Variants in CACNA1I observed in about 807,000 individuals in gnomAD.
The protein encoded by CACNA1I is voltage-dependent T-type calcium channel subunit alpha-1I.
Under a neutral mutation model 201.6 loss-of-function variants are expected in CACNA1I, and 74 were observed. The observed-to-expected ratio is 0.37, with a 90% confidence interval of 0.30 to 0.45. The LOEUF is 0.45. Among genes scored for constraint, CACNA1I ranks in the 20% least tolerant of loss-of-function variants. The pLI, the probability that CACNA1I is intolerant of heterozygous loss-of-function variation, is 1.00. For missense variants in CACNA1I, 2,346 were observed against 3,138.1 expected, an observed-to-expected ratio of 0.75 and a Z score of 6.03; for synonymous variants, 1,431 against 1,345.2, an observed-to-expected ratio of 1.06 and a Z score of -1.40.
intron 1 of CACNA1I, among the ~76,000 whole-genome samples, chr22:39,593,440 A>G (rs1027841478): frequency 1.3e-5 from 2 of 152,218 alleles, no homozygotes; most frequent in African/African-American, 2.4e-5. Context: ...TGTGAGGGGC[A>G]AGAGGCACAT....
chr22:39,613,413 G>A (rs1933437664), intron 3 of CACNA1I, among the ~76,000 whole-genome samples: 1 of 152,218 alleles, frequency 6.6e-6, no homozygotes, highest in African/African-American at 2.4e-5. Context: ...GGGGTCTGGA[G>A]AGGGCCTCAT....
Position 39,629,711 on chromosome 22 carries a change from C to G in CACNA1I, c.581-4854C>G, listed in dbSNP as rs112453210. ...ACTCAGCGCTCCGGTTTCTGTCCCA[C>G]GTGAGACCCCCGGGAGGCAGCGACC... On this transcript the variant is annotated intron_variant, in intron 4 of 36. Transcript: ENST00000402142. This position sits in a 1 kb window ranked among gnomAD's most constrained non-coding sequence, Gnocchi z 4.8. 6.6e-6 allele frequency among the ~76,000 whole-genome samples: 1 copy of G among 152,128 alleles called. No individual in the cohort carries two copies. Among genetic ancestry groups the G allele is most frequent in the Non-Finnish European group, 1.5e-5 (1 of 68,020 alleles).
At position 39,658,269 on chromosome 22, in the gene CACNA1I, T is replaced by C; in HGVS notation, c.2110T>C (p.Tyr704His). The C allele has an allele frequency of 2.5e-6, 4 of 1,613,870 alleles. No homozygotes were observed. The highest frequency in any genetic ancestry group is 3.4e-6 in the Non-Finnish European group (4 of 1,179,866). Residue 704 changes from tyrosine (Y) to histidine (H), a missense_variant, in exon 11 of 37, where the codon TAC becomes CAC. This residue lies in a region of CACNA1I where 155 missense variants were observed against 300.8 expected (regional missense o/e 0.52). Coordinates refer to ENST00000402142, the MANE Select transcript of CACNA1I (RefSeq NM_021096.4). Reference protein sequence around the residue: ...FGLFDYLRNPYNIFDSIIVII... With the variant: ...FGLFDYLRNPHNIFDSIIVII... ...GCTCTTCGACTACCTGCGTAACCCC[T>C]ACAACATCTTCGACAGCATCATTGT...
chr22:39,680,864 C>A (rs550894838), intron 33 of CACNA1I, 66 bp from the exon 34 acceptor site: 2 of 1,524,424 alleles, frequency 1.3e-6, no homozygotes, highest in African/African-American at 1.4e-5. Context: ...TGTGGCTGCA[C>A]GCCCCAGGAC....
intron 1 of CACNA1I, among the ~76,000 whole-genome samples, chr22:39,581,418 G>A (rs1303899264): frequency 2.0e-5 from 3 of 152,176 alleles, no homozygotes; most frequent in East Asian, 3.8e-4. Flanking sequence ...GGGAGGCACC[G>A]GTGTGGATGA....
Position 39,686,503 on chromosome 22 carries a change from A to G in CACNA1I, c.*98A>G, listed in dbSNP as rs951039378. ...CAGCAATACTTCGTCCACACCTGGG[A>G]TCGCGCAGGGCCCGCAGGGCACAGG... On this transcript the variant is annotated 3_prime_UTR_variant, in exon 37 of 37. Transcript: ENST00000402142. The G allele has an allele frequency of 6.3e-6, 6 of 958,518 alleles. No individual in the cohort carries two copies. In the East Asian group the frequency reaches 1.1e-4, roughly 18 times the overall value. The allele number at this position is 958,518 out of a possible 1,614,324, so 59.4% of individuals were successfully genotyped here.
intron 4 of CACNA1I, among the ~76,000 whole-genome samples, chr22:39,626,150 G>T (rs895652966): frequency 4.6e-5 from 7 of 152,198 alleles, no homozygotes; most frequent in African/African-American, 1.7e-4. Flanking sequence ...GCCAGGTTCT[G>T]GTCCCAGGGC....
intron 10 of CACNA1I, among the ~76,000 whole-genome samples, chr22:39,655,008 A>C (rs1934768958): frequency 6.6e-6 from 1 of 152,094 alleles, no homozygotes; most frequent in Admixed American, 6.5e-5. Context: ...CACCTGGGCC[A>C]TGGAGGTGGG....
In CACNA1I at chr22:39,677,358, C is replaced by T. The variant is rs748958942; in HGVS notation, c.4872C>T (p.Leu1624=). The T allele has an allele frequency of 1.3e-5, 21 of 1,598,668 alleles. No homozygotes were observed. The Admixed American group carries it at 3.2e-4, about 25-fold the overall frequency. ...QALPQVGNLG[L]LFMLLFFIYA... ...TCCCGCAGGTGGGCAACCTGGGCCT[C>T]CTCTTCATGCTGCTCTTCTTCATCT... Residue 1624 remains leucine (L), a synonymous_variant, in exon 30 of 37, where the codon CTC becomes CTT. Transcript: ENST00000402142. This position sits in a 1 kb window ranked among gnomAD's most constrained non-coding sequence, Gnocchi z 4.8.
chr22:39,675,978 G>C (rs1039322511), intron 29 of CACNA1I, among the ~76,000 whole-genome samples: 3 of 152,218 alleles, frequency 2.0e-5, no homozygotes, highest in Non-Finnish European at 4.4e-5. Context: ...TGCCACAGGA[G>C]GGTTCTAGAC....
intron 10 of CACNA1I, among the ~76,000 whole-genome samples, chr22:39,653,523 T>C (rs1488865487): frequency 6.6e-6 from 1 of 151,666 alleles, no homozygotes; most frequent in Non-Finnish European, 1.5e-5. Flanking sequence ...CCAAGGGGGG[T>C]GCAGGGAGAG....
intron 34 of CACNA1I, among the ~76,000 whole-genome samples, chr22:39,682,032 A>C (rs1935720457): frequency 6.6e-6 from 1 of 151,960 alleles, no homozygotes; most frequent in African/African-American, 2.4e-5. Context: ...TCTGCCTTGG[A>C]GGGGGCATTA....
chr22:39,681,501 A>G (rs952827195), intron 34 of CACNA1I, among the ~76,000 whole-genome samples: 1 of 152,222 alleles, frequency 6.6e-6, no homozygotes, highest in Admixed American at 6.5e-5. Flanking sequence ...TCTGTGCAGC[A>G]GGGATGATTT....
chr22:39,622,809 G>C (rs1438153658), intron 4 of CACNA1I, among the ~76,000 whole-genome samples: 7 of 152,028 alleles, frequency 4.6e-5, no homozygotes, highest in African/African-American at 1.7e-4. Flanking sequence ...GCTCTCAGGG[G>C]CCAGCACAGA....
chr22:39,679,678 G>T, intron 32 of CACNA1I, 44 bp from the exon 33 acceptor site: 1 of 1,455,354 alleles, frequency 6.9e-7, no homozygotes, highest in Non-Finnish European at 9.4e-7. Flanking sequence ...CCCGGGACCC[G>T]GCTGATAATC....
intron 3 of CACNA1I, among the ~76,000 whole-genome samples, chr22:39,612,431 G>A (rs1389047060): frequency 6.6e-6 from 1 of 152,162 alleles, no homozygotes; most frequent in Non-Finnish European, 1.5e-5. Context: ...TAAACCGGGT[G>A]CCTCATAAAC....
chr22:39,580,848 G>A (rs1932524680), intron 1 of CACNA1I, among the ~76,000 whole-genome samples: 2 of 152,204 alleles, frequency 1.3e-5, no homozygotes, highest in Non-Finnish European at 2.9e-5. Flanking sequence ...AATGGATACC[G>A]ATGGATGGAT....
rs1212114469 is a variant in CACNA1I at position 39,670,789 on chromosome 22, T to G, written c.4388-14T>G. The G allele has an allele frequency of 1.2e-6, 2 of 1,613,670 alleles. No individual in the cohort carries two copies. On this transcript the variant is annotated splice_polypyrimidine_tract_variant and intron_variant, in intron 25 of 36. Coordinates refer to ENST00000402142, the MANE Select transcript of CACNA1I (RefSeq NM_021096.4). Reference sequence around the variant, plus strand: ...CCTCTGTGGTCTTTGCCACTCCCCCTGCACCACCTGCAGAGGCCCAGCGGC... The same window carrying G: ...CCTCTGTGGTCTTTGCCACTCCCCCGGCACCACCTGCAGAGGCCCAGCGGC...
chr22:39,622,816 C>T (rs1177138789), intron 4 of CACNA1I, among the ~76,000 whole-genome samples: 1 of 151,970 alleles, frequency 6.6e-6, no homozygotes, highest in Admixed American at 6.5e-5. Flanking sequence ...GGGGCCAGCA[C>T]AGAGGGCCAC....
Sources: allele counts gnomAD v4.1 joint callset (sites outside exome capture counted in the v4.1 genomes callset), GRCh38; gene constraint gnomAD v4.1.1; regional missense constraint gnomAD v4.1.1; non-coding constraint Gnocchi (gnomAD v3.1); transcripts MANE v1.5; gene names NCBI Gene and HGNC (gene_info 2026-07-23, HGNC 2026-07-21).